Variants in SBF2 observed in about 807,000 individuals in gnomAD.
The protein encoded by SBF2 is myotubularin-related protein 13.
A neutral mutation model predicts 225.2 loss-of-function variants in SBF2; 112 were observed. That is an observed-to-expected ratio of 0.50 (90% CI 0.43 to 0.58). SBF2 has a LOEUF of 0.58. Among genes scored for constraint, SBF2 ranks in the 20% least tolerant of loss-of-function variants. The probability of loss-of-function intolerance (pLI) is 0.00; values close to 1 mark genes in which losing one functional copy is unlikely to be tolerated. For synonymous variants in SBF2, 763 were observed against 773.3 expected, an observed-to-expected ratio of 0.99 and a Z score of 0.22; for missense variants, 1,996 against 2,206.2, an observed-to-expected ratio of 0.90 and a Z score of 1.91.
At chr11:9,795,656 C>T (rs1042459545) in intron 33 of SBF2, among the ~76,000 whole-genome samples, 175 bp downstream of exon 33, 1 of 152,188 alleles carries the variant, frequency 6.6e-6, no homozygotes, top group Non-Finnish European at 1.5e-5. Flanking sequence ...CTGCTAAGAG[C>T]TAACGTGGCA....
At chr11:10,291,425 A>G (rs908394077) in intron 1 of SBF2, among the ~76,000 whole-genome samples, 1 of 152,170 alleles carries the variant, frequency 6.6e-6, no homozygotes, top group Non-Finnish European at 1.5e-5. Flanking sequence ...TGTGAAAAAT[A>G]AATTTCTATT....
chr11:9,782,476 G>GATC (rs1852077740), intron 38 of SBF2, among the ~76,000 whole-genome samples: 1 of 152,156 alleles, frequency 6.6e-6, no homozygotes, highest in Admixed American at 6.6e-5. Context: ...TAAGGTACTA[G>GATC]ATCATCTCAA....
At chr11:9,913,643 A>AAAAAT (rs142122670) in intron 16 of SBF2, among the ~76,000 whole-genome samples, 34,391 of 144,626 alleles carry the variant, frequency 0.24, 4,687 homozygotes, top group Non-Finnish European at 0.31. Flanking sequence ...CTGAGATTAA[A>AAAAAT]AAAATAAAAT....
chr11:10,060,593 G>C (rs1338134003), intron 2 of SBF2, among the ~76,000 whole-genome samples: 1 of 152,062 alleles, frequency 6.6e-6, no homozygotes, highest in Non-Finnish European at 1.5e-5. Flanking sequence ...GAAAACCTCA[G>C]GCCAATACCC....
chr11:10,182,841 T>G (rs916423401), intron 2 of SBF2, among the ~76,000 whole-genome samples: 2 of 152,064 alleles, frequency 1.3e-5, no homozygotes, highest in African/African-American at 4.8e-5. Context: ...TGGCGATGTC[T>G]CGTCTCACTG....
intron 2 of SBF2, among the ~76,000 whole-genome samples, chr11:10,058,752 C>A (rs1183841603): frequency 6.6e-6 from 1 of 152,076 alleles, no homozygotes; most frequent in East Asian, 1.9e-4. Context: ...TGAAAGGCAA[C>A]TAGAGAGAAA....
At chr11:9,874,321 C>A (rs775788984) in intron 17 of SBF2, among the ~76,000 whole-genome samples, 9 of 152,096 alleles carry the variant, frequency 5.9e-5, no homozygotes, top group Non-Finnish European at 1.3e-4. Flanking sequence ...AATCACAGTA[C>A]TACTGAATTA....
intron 6 of SBF2, among the ~76,000 whole-genome samples, chr11:10,006,260 A>G (rs947747512): frequency 3.9e-5 from 6 of 152,206 alleles, no homozygotes; most frequent in Admixed American, 3.3e-4. Context: ...GTGCAGCAGC[A>G]AAAACATGGG....
intron 17 of SBF2, among the ~76,000 whole-genome samples, chr11:9,892,040 A>C (rs1020771996): frequency 6.6e-6 from 1 of 152,248 alleles, no homozygotes; most frequent in African/African-American, 2.4e-5. Flanking sequence ...ACCAAGATGT[A>C]CCACTAAGTG....
intron 2 of SBF2, among the ~76,000 whole-genome samples, chr11:10,071,405 TAC>T (rs1228400526): frequency 2.6e-5 from 4 of 151,952 alleles, no homozygotes; most frequent in Admixed American, 6.6e-5. Flanking sequence ...TACCTGGGAC[TAC>T]AAGCGCCCGC....
intron 2 of SBF2, among the ~76,000 whole-genome samples, chr11:10,135,219 G>A (rs1954289258): frequency 6.6e-6 from 1 of 152,174 alleles, no homozygotes; most frequent in Non-Finnish European, 1.5e-5. Context: ...TAGGAGGCAG[G>A]GCACCAAGTC....
chr11:9,959,616 C>T (rs2134354774), intron 16 of SBF2: 1 of 762,960 alleles, frequency 1.3e-6, no homozygotes, highest in South Asian at 1.4e-5. Context: ...ACTAGAGCCA[C>T]CAAAATTCTA....
chr11:10,080,248 CAAAAAAAAAAAA>C (rs34181436), intron 2 of SBF2, among the ~76,000 whole-genome samples: 3 of 82,226 alleles, frequency 3.6e-5, no homozygotes, highest in African/African-American at 1.0e-4. Flanking sequence ...AACTCTGTCT[CAAAAAAAAAAAA>C]AAAAAAAAAA....
At chr11:10,045,171 C>CTT (rs59755660) in intron 2 of SBF2, among the ~76,000 whole-genome samples, 2 of 141,740 alleles carry the variant, frequency 1.4e-5, no homozygotes, top group Non-Finnish European at 1.5e-5. Flanking sequence ...TATTGCTTTT[C>CTT]TTTTTTTTTT....
Position 9,939,319 on chromosome 11 carries a change from A to C in SBF2, c.1860+22638T>G, listed in dbSNP as rs190977130. Among the ~76,000 whole-genome samples the C allele has an allele frequency of 6.5e-3, 994 of 152,150 alleles. 5 individuals are homozygous for C. Among genetic ancestry groups the C allele is most frequent in the Non-Finnish European group, 0.01 (693 of 68,004 alleles). ...CACCACCTTGGCCAGGCTGGTGTTG[A>C]TCTCCGGACCTTGTGATCCGCCCAC... On this transcript the variant is annotated intron_variant, in intron 16 of 39. Transcript: ENST00000256190.
At chr11:9,853,457 T>C (rs1857104040) in intron 20 of SBF2, 83 bp downstream of exon 20, 8 of 1,180,150 alleles carry the variant, frequency 6.8e-6, no homozygotes, top group African/African-American at 6.0e-5. Flanking sequence ...TGAACTATAA[T>C]GGAAGACATG....
intron 28 of SBF2, chr11:9,828,408 G>C (rs1288748499): frequency 4.1e-6 from 4 of 985,296 alleles, no homozygotes; most frequent in Non-Finnish European, 4.8e-6. Context: ...ACATTTGCAA[G>C]ATTATAGAGA....
chr11:10,120,000 G>T (rs1953358988), intron 2 of SBF2, among the ~76,000 whole-genome samples: 3 of 152,138 alleles, frequency 2.0e-5, no homozygotes, highest in Non-Finnish European at 2.9e-5. Flanking sequence ...GTTCAGTAGT[G>T]TTAACTATGT....
chr11:10,051,225 A>G (rs1328936656), intron 2 of SBF2, among the ~76,000 whole-genome samples: 1 of 152,158 alleles, frequency 6.6e-6, no homozygotes, highest in Non-Finnish European at 1.5e-5. Flanking sequence ...TATAACATTT[A>G]AATTAAATGT....
Sources: gnomAD v4.1 joint callset for allele counts (sites outside exome capture counted in the v4.1 genomes callset) on GRCh38, gnomAD v4.1.1 for gene constraint, MANE v1.5 for transcripts, NCBI Gene and HGNC (gene_info 2026-07-23, HGNC 2026-07-21) for gene names.